The following KSR2 variants were observed in gnomAD, a reference collection of about 807,000 sequenced individuals.
KSR2 encodes the protein kinase suppressor of ras 2.
In KSR2, 25 loss-of-function variants were observed where a neutral mutation model predicts 107.8. The ratio of observed to expected loss-of-function variants is 0.23; its 90% confidence interval spans 0.17 to 0.32. The LOEUF is 0.32. Ranked by LOEUF, KSR2 falls within the 10% of genes least tolerant of loss-of-function variation. The pLI is 1.00. For missense variants in KSR2, 887 were observed against 1,268.9 expected, an observed-to-expected ratio of 0.70 and a Z score of 4.57; for synonymous variants, 480 against 507.0, an observed-to-expected ratio of 0.95 and a Z score of 0.71.
At chr12:117,643,084 T>C (rs898460427) in intron 5 of KSR2, among the ~76,000 whole-genome samples, 1 of 152,168 alleles carries the variant, frequency 6.6e-6, no homozygotes, top group Non-Finnish European at 1.5e-5. Context: ...TATGCACCCA[T>C]GAAATTAATA....
intron 3 of KSR2, among the ~76,000 whole-genome samples, chr12:117,833,980 T>C (rs1423450040): frequency 2.0e-5 from 3 of 151,468 alleles, no homozygotes; most frequent in Non-Finnish European, 2.9e-5. Flanking sequence ...AAAAAAATTT[T>C]CATTAAAAAA....
chr12:117,788,090 C>A (rs986983481), intron 3 of KSR2, among the ~76,000 whole-genome samples: 37 of 152,174 alleles, frequency 2.4e-4, no homozygotes, highest in Admixed American at 9.8e-4. Context: ...TGCTGTCAGG[C>A]AGAAGGTGAA....
chr12:117,498,462 T>G (rs1467154877), intron 14 of KSR2, among the ~76,000 whole-genome samples: 4 of 152,158 alleles, frequency 2.6e-5, no homozygotes, highest in Non-Finnish European at 4.4e-5. Context: ...TTGTCCACAC[T>G]GGCCCAGGGG....
chr12:117,514,314 G>A (rs983014515), intron 14 of KSR2, among the ~76,000 whole-genome samples: 7 of 152,272 alleles, frequency 4.6e-5, no homozygotes, highest in East Asian at 3.9e-4. Context: ...AACACTAACC[G>A]TCCACACCAT....
In KSR2 at chr12:117,460,089, T is replaced by A. The variant is rs756648287; in HGVS notation, c.*7110A>T. ...CCTAAGCATTTCCAATGCATGCTTGTCCCAGGACCCTTTCAATAATGCAAA... is the reference window on the plus strand; with the variant it reads ...CCTAAGCATTTCCAATGCATGCTTGACCCAGGACCCTTTCAATAATGCAAA... On this transcript the variant is annotated 3_prime_UTR_variant, in exon 20 of 20. Transcript: ENST00000339824. The A allele has an allele frequency of 1.4e-4, 22 of 152,228 alleles. No individual in the cohort carries two copies. Among genetic ancestry groups the A allele is most frequent in the African/African-American group, 5.1e-4 (21 of 41,462 alleles). The allele number at this position is 152,228 out of a possible 1,614,324, so 9.4% of individuals were successfully genotyped here. A position where few individuals can be genotyped will look rare whatever the true frequency, so the allele number is the denominator to read the frequency against.
intron 1 of KSR2, among the ~76,000 whole-genome samples, chr12:117,861,418 T>A: frequency 8.4e-6 from 1 of 119,052 alleles, no homozygotes; most frequent in East Asian, 2.9e-4. Context: ...AGATGGAGTC[T>A]CACTCTGTCG....
At chr12:117,595,762 T>G (rs1172243290) in intron 5 of KSR2, among the ~76,000 whole-genome samples, 2 of 152,172 alleles carry the variant, frequency 1.3e-5, no homozygotes, top group Non-Finnish European at 2.9e-5. Context: ...GAAGGCCACC[T>G]CATTAAAATC....
intron 1 of KSR2, among the ~76,000 whole-genome samples, chr12:117,951,427 A>G (rs1469071381): frequency 5.9e-5 from 9 of 152,172 alleles, no homozygotes; most frequent in Non-Finnish European, 1.5e-5. Flanking sequence ...CTCCTTTTAT[A>G]CCTATTGGCT....
At position 117,539,906 on chromosome 12, in the gene KSR2, G is replaced by A. The variant is rs1305299736; in HGVS notation, c.1519-19C>T. On this transcript the variant is annotated intron_variant, in intron 9 of 19. Transcript: ENST00000339824. The stretch of plus-strand genomic sequence containing the variant: ...TGTGGTCCTGCAGAGAGAAAACAGG[G>A]TAGGAGTCAGGGACAGGCAGGGAAG... 1 of 1,585,658 alleles carries A rather than the reference G, an allele frequency of 6.3e-7. No homozygotes were observed. The highest frequency in any genetic ancestry group is 8.6e-7 in the Non-Finnish European group (1 of 1,169,302).
At position 117,968,293 on chromosome 12, in the gene KSR2, C is replaced by A. The variant is rs1365652538; in HGVS notation, c.-38G>T. ...AACCCCCTTCCCCTCCTCCTCCTCC[C>A]AGAGAGAAAAAAGAGGGGGGGGAGT... On this transcript the variant is annotated 5_prime_UTR_variant, in exon 1 of 20. Coordinates refer to ENST00000339824, the MANE Select transcript of KSR2 (RefSeq NM_173598.6). 3.2e-6 allele frequency: 3 copies of A among 932,806 alleles called. No individual in the cohort carries two copies. Among genetic ancestry groups the A allele is most frequent in the Non-Finnish European group, 2.7e-6 (2 of 727,784 alleles). 57.8% of individuals were successfully genotyped at this position (932,806 alleles called of 1,614,324 possible). A position where few individuals can be genotyped will look rare whatever the true frequency, so the allele number is the denominator to read the frequency against.
intron 4 of KSR2, among the ~76,000 whole-genome samples, chr12:117,716,513 T>C (rs749543202): frequency 4.6e-5 from 7 of 152,376 alleles, no homozygotes; most frequent in East Asian, 1.9e-4. Context: ...TGATTACTTA[T>C]TGAAATAATA....
intron 3 of KSR2, among the ~76,000 whole-genome samples, chr12:117,850,238 G>A (rs1892869800): frequency 6.6e-6 from 1 of 152,098 alleles, no homozygotes; most frequent in East Asian, 1.9e-4. Flanking sequence ...AGACCTGGTG[G>A]TCACTGAAGT....
At chr12:117,694,446 A>T (rs1326764526) in intron 4 of KSR2, among the ~76,000 whole-genome samples, 1 of 152,178 alleles carries the variant, frequency 6.6e-6, no homozygotes, top group African/African-American at 2.4e-5. Flanking sequence ...GCCACATGGA[A>T]CTGTGAGTCC....
At chr12:117,876,422 G>C (rs928146576) in intron 1 of KSR2, among the ~76,000 whole-genome samples, 2 of 152,208 alleles carry the variant, frequency 1.3e-5, no homozygotes, top group Non-Finnish European at 2.9e-5. Context: ...CAGTCCCGCC[G>C]AATGCTGGAA....
At chr12:117,491,957 G>C (rs1370085192) in intron 14 of KSR2, among the ~76,000 whole-genome samples, 1 of 152,232 alleles carries the variant, frequency 6.6e-6, no homozygotes. Context: ...AGTCCATCTG[G>C]AGGTCAGCAG....
At position 117,667,554 on chromosome 12, in the gene KSR2, G is replaced by T; in HGVS notation, c.1091C>A (p.Ser364Tyr). 2 of 1,613,172 alleles carry T rather than the reference G, an allele frequency of 1.2e-6. No individual in the cohort carries two copies. The highest frequency in any genetic ancestry group is 8.5e-7 in the Non-Finnish European group (1 of 1,179,656). ...QQRSPLLSER[S>Y]LRSFFVGHAP... ...GTGTCCCACAAAGAAGGAGCGGAGG[G>T]AGCGCTCGGACAGCAGCGGGGAGCG... Residue 364 changes from serine to tyrosine, a missense_variant, in exon 5 of 20, where the codon TCC becomes TAC. Coordinates refer to ENST00000339824, the MANE Select transcript of KSR2 (RefSeq NM_173598.6).
intron 5 of KSR2, among the ~76,000 whole-genome samples, chr12:117,592,410 G>C (rs1880383427): frequency 6.6e-6 from 1 of 152,026 alleles, no homozygotes; most frequent in Non-Finnish European, 1.5e-5. Flanking sequence ...GACCGTGCCT[G>C]GCCCACTTTC....
At chr12:117,866,551 C>A (rs757765263) in intron 1 of KSR2, among the ~76,000 whole-genome samples, 4 of 152,170 alleles carry the variant, frequency 2.6e-5, no homozygotes, top group Admixed American at 6.5e-5. Flanking sequence ...TTGATTCGGC[C>A]GGACACAGTG....
chr12:117,761,232 C>A lies in KSR2; in HGVS notation c.765G>T (p.Arg255=). 1 of 1,544,028 alleles carries A rather than the reference C, an allele frequency of 6.5e-7. No homozygotes were observed. Among genetic ancestry groups the A allele is most frequent in the Non-Finnish European group, 8.7e-7 (1 of 1,146,428 alleles). The change falls in exon 4 of 20, where the codon CGG becomes CGT. Residue 255 remains arginine (R), a synonymous_variant. Transcript: ENST00000339824. ...TGCGCGGCGGGGTGCGGACCGCGTG[C>A]CGCTGCCGGGGCGATGGGGGCAGGG... ...HRSLPPSPRQ[R]HAVRTPPRTP...
Sources: allele counts gnomAD v4.1 joint callset (sites outside exome capture counted in the v4.1 genomes callset), GRCh38; gene constraint gnomAD v4.1.1; transcripts MANE v1.5; gene names NCBI Gene and HGNC (gene_info 2026-07-23, HGNC 2026-07-21).